Variants in KCNQ3 observed in about 807,000 individuals in gnomAD.
The protein encoded by KCNQ3 is potassium voltage-gated channel subfamily Q member 3, also known as potassium voltage-gated channel subfamily KQT member 3.
KCNQ3 carries 30 observed loss-of-function variants against 92.5 expected under a neutral mutation model. That is an observed-to-expected ratio of 0.32 (90% confidence interval 0.24 to 0.44). KCNQ3 has a LOEUF of 0.44. Ranked by LOEUF, KCNQ3 falls within the 20% of genes least tolerant of loss-of-function variation. The pLI is 1.00. For synonymous variants in KCNQ3, 450 were observed against 468.8 expected (o/e 0.96, Z 0.52); for missense variants, 913 against 1,140.3 (o/e 0.80, Z 2.87).
chr8:132,305,580 C>T (rs1042688405), intron 1 of KCNQ3, among the ~76,000 whole-genome samples: 1 of 152,150 alleles, frequency 6.6e-6, no homozygotes, highest in Admixed American at 6.6e-5. Context: ...GAGGCAACCA[C>T]AGGAGCCAGG....
chr8:132,460,345 T>C (rs1208015220), intron 1 of KCNQ3, among the ~76,000 whole-genome samples: 3 of 152,226 alleles, frequency 2.0e-5, no homozygotes, highest in Non-Finnish European at 4.4e-5. Flanking sequence ...TCTATGTTTG[T>C]ATTAAGTTAA....
intron 1 of KCNQ3, among the ~76,000 whole-genome samples, chr8:132,205,379 T>C (rs1813622986): frequency 6.6e-6 from 1 of 152,218 alleles, no homozygotes; most frequent in African/African-American, 2.4e-5. Context: ...TGGATGGTAT[T>C]TGTTGAGGTC....
At position 132,356,510 on chromosome 8, in the gene KCNQ3, C is replaced by T. The variant is rs149507097; in HGVS notation, c.386+123637G>A. 5.5e-3 allele frequency among the ~76,000 whole-genome samples: 832 copies of T among 152,306 alleles called. 3 individuals are homozygous for T. Among genetic ancestry groups the T allele is most frequent in the Middle Eastern group, 0.01 (3 of 294 alleles). ...CACAGAGTGGCTGGATGTGTGTCCA[C>T]TCTGCAGACTCATCTTTCCCCTCAG... On this transcript the variant is annotated intron_variant, in intron 1 of 14. Transcript: ENST00000388996.
chr8:132,342,590 C>A (rs1456596026), intron 1 of KCNQ3, among the ~76,000 whole-genome samples: 8 of 152,236 alleles, frequency 5.3e-5, no homozygotes, highest in African/African-American at 1.9e-4. Context: ...CATCCCTACT[C>A]AGCGTCAGCT....
At chr8:132,267,947 G>C (rs138413991) in intron 1 of KCNQ3, among the ~76,000 whole-genome samples, 96 of 152,246 alleles carry the variant, frequency 6.3e-4, no homozygotes, top group Admixed American at 1.6e-3. Flanking sequence ...TTATCACTTA[G>C]AATCTATAGT....
Position 132,184,333 on chromosome 8 carries a change from A to G in KCNQ3, c.512T>C (p.Phe171Ser). 6.2e-7 allele frequency: 1 copy of G among 1,614,206 alleles called. No individual in the cohort carries two copies. The highest frequency in any genetic ancestry group is 8.5e-7 in the Non-Finnish European group (1 of 1,180,038). ...TCCAGCAGCCCAGATCCTCAAAGCA[A>G]ACTCGGCTCCAAAGATGAAAATAGC... The part of the protein sequence containing the change: ...TFAIFIFGAE[F>S]ALRIWAAGCC... The change falls in exon 3 of 15, where the codon TTT becomes TCT. Residue 171 changes from phenylalanine (F) to serine (S), a missense_variant. Physicochemically the swap from Phe to Ser is radical, Grantham distance 155. Around this residue, in one of 6 missense-constraint regions of KCNQ3, gnomAD observed 100 missense variants for 217.6 expected, o/e 0.46. Transcript: ENST00000388996.
chr8:132,147,165 G>A (rs1825476078), intron 9 of KCNQ3, among the ~76,000 whole-genome samples: 1 of 152,198 alleles, frequency 6.6e-6, no homozygotes, highest in Admixed American at 6.5e-5. Context: ...TAGGGTGATT[G>A]ATTGCAGTGG....
At chr8:132,263,661 G>C (rs1815864447) in intron 1 of KCNQ3, among the ~76,000 whole-genome samples, 1 of 152,160 alleles carries the variant, frequency 6.6e-6, no homozygotes, top group South Asian at 2.1e-4. Context: ...AGAATGATGG[G>C]GGAAGCAAAA....
chr8:132,251,750 A>T (rs1287693746), intron 1 of KCNQ3, among the ~76,000 whole-genome samples: 1 of 152,222 alleles, frequency 6.6e-6, no homozygotes, highest in Non-Finnish European at 1.5e-5. Context: ...CCTCCTATAA[A>T]ACAGCTCAGT....
chr8:132,328,140 G>T (rs954076722), intron 1 of KCNQ3, among the ~76,000 whole-genome samples: 2 of 152,114 alleles, frequency 1.3e-5, no homozygotes, highest in African/African-American at 4.8e-5. Flanking sequence ...GCTTGGAGGA[G>T]GAGCCCACAT....
intron 1 of KCNQ3, among the ~76,000 whole-genome samples, chr8:132,304,447 T>A (rs6471055): frequency 5.9e-5 from 9 of 152,168 alleles, no homozygotes; most frequent in South Asian, 2.1e-4. Context: ...TCTTAACTTC[T>A]CCAGGGCTCA....
At chr8:132,286,372 G>A (rs1816680535) in intron 1 of KCNQ3, among the ~76,000 whole-genome samples, 1 of 152,232 alleles carries the variant, frequency 6.6e-6, no homozygotes, top group African/African-American at 2.4e-5. Context: ...GATTATTTGA[G>A]GCCTTTAAGA....
intron 1 of KCNQ3, among the ~76,000 whole-genome samples, chr8:132,330,012 C>T (rs1463333467): frequency 6.6e-6 from 1 of 152,168 alleles, no homozygotes; most frequent in Non-Finnish European, 1.5e-5. Context: ...AGGGTCTTTG[C>T]AGATATATTA....
At chr8:132,141,392 A>T in intron 9 of KCNQ3, 61 bp from the exon 10 acceptor site, 1 of 1,437,448 alleles carries the variant, frequency 7.0e-7, no homozygotes, top group Non-Finnish European at 9.7e-7. Context: ...AAAATTTCCC[A>T]TCCCTCCATA....
chr8:132,172,736 G>A, intron 6 of KCNQ3, 43 bp from the exon 7 acceptor site: 1 of 1,421,314 alleles, frequency 7.0e-7, no homozygotes, highest in African/African-American at 1.4e-5. Context: ...CAGCTAGACT[G>A]TCCCAGCATT....
At chr8:132,251,481 G>A (rs759229584) in intron 1 of KCNQ3, among the ~76,000 whole-genome samples, 22 of 152,154 alleles carry the variant, frequency 1.4e-4, no homozygotes, top group Non-Finnish European at 2.4e-4. Context: ...GAATGGTTAC[G>A]GTTTTACTGA....
Position 132,423,779 on chromosome 8 carries a change from C to T in KCNQ3, c.386+56368G>A, listed in dbSNP as rs529817663. Among the ~76,000 whole-genome samples, 8 of 152,258 alleles carry T rather than the reference C, an allele frequency of 5.3e-5. No individual in the cohort carries two copies. The East Asian group carries it at 9.7e-4, about 18-fold the overall frequency. Reference sequence around the variant, plus strand: ...CACGCTCCTGACCTTTGAGCCACAGCGACCTGCTCAGCTTTCAGGTGGAGC... The same window carrying T: ...CACGCTCCTGACCTTTGAGCCACAGTGACCTGCTCAGCTTTCAGGTGGAGC... On this transcript the variant is annotated intron_variant, in intron 1 of 14. Coordinates refer to ENST00000388996, the MANE Select transcript of KCNQ3 (RefSeq NM_004519.4).
chr8:132,345,074 A>T (rs944098974), intron 1 of KCNQ3, among the ~76,000 whole-genome samples: 1 of 152,146 alleles, frequency 6.6e-6, no homozygotes, highest in Non-Finnish European at 1.5e-5. Flanking sequence ...TGGTGGCCCT[A>T]ACTTGCTGAG....
chr8:132,460,293 C>T (rs1337096550), intron 1 of KCNQ3, among the ~76,000 whole-genome samples: 1 of 152,118 alleles, frequency 6.6e-6, no homozygotes, highest in Non-Finnish European at 1.5e-5. Context: ...GTATATAGCC[C>T]ATGCATATAC....
Sources: gnomAD v4.1 joint callset for allele counts (sites outside exome capture counted in the v4.1 genomes callset) on GRCh38, gnomAD v4.1.1 for gene constraint, gnomAD v4.1.1 regional missense constraint, MANE v1.5 for transcripts, NCBI Gene and HGNC (gene_info 2026-07-23, HGNC 2026-07-21) for gene names.